Variants in EPS15 observed in about 807,000 individuals in gnomAD.
The protein encoded by EPS15 is epidermal growth factor receptor pathway substrate 15.
EPS15 carries 72 observed loss-of-function variants against 113.8 expected under a neutral mutation model. That is an observed-to-expected ratio of 0.63 (90% confidence interval 0.52 to 0.77). The LOEUF is 0.77. EPS15 is among the 30% of genes least tolerant of loss of function. The pLI is 0.00. For missense variants in EPS15, 1,048 were observed against 1,045.8 expected (o/e 1.00, Z -0.03); for synonymous variants, 344 against 363.4 (o/e 0.95, Z 0.61).
At chr1:51,384,658 A>G (rs1380265634) in intron 21 of EPS15, among the ~76,000 whole-genome samples, 1 of 152,120 alleles carries the variant, frequency 6.6e-6, no homozygotes, top group Admixed American at 6.5e-5. Context: ...TTAAAAAGGA[A>G]CAACAAAGTT....
chr1:51,358,711 T>C (rs1442051110), intron 24 of EPS15, among the ~76,000 whole-genome samples: 2 of 145,022 alleles, frequency 1.4e-5, no homozygotes, highest in South Asian at 2.3e-4. Context: ...TTTTTTTTGT[T>C]TTTTTTTTTT....
rs553862274 is a variant in EPS15 at position 51,415,166 on chromosome 1, AT to A, written c.1114-5471del. On this transcript the variant is annotated intron_variant, in intron 13 of 24. Coordinates refer to ENST00000371733, the MANE Select transcript of EPS15 (RefSeq NM_001981.3). ...TAATAAACTGAACTATTTTTCATAAATAATATTTTTAGTGAGCCACTTAAAC... is the reference window on the plus strand; with the variant it reads ...TAATAAACTGAACTATTTTTCATAAAAATATTTTTAGTGAGCCACTTAAAC... Among the ~76,000 whole-genome samples the A allele has an allele frequency of 8.5e-5, 13 of 152,302 alleles. No homozygotes were observed. The South Asian group carries it at 2.7e-3, about 32-fold the overall frequency.
chr1:51,390,669 C>T (rs1369430708), intron 21 of EPS15, among the ~76,000 whole-genome samples: 3 of 152,016 alleles, frequency 2.0e-5, no homozygotes, highest in Non-Finnish European at 4.4e-5. Flanking sequence ...TGAACAGACA[C>T]TTCTCCAAAG....
chr1:51,394,568 G>A, intron 20 of EPS15, 121 bp from the exon 21 acceptor site: 1 of 497,920 alleles, frequency 2.0e-6, no homozygotes, highest in Non-Finnish European at 3.6e-6. Flanking sequence ...ATAGACATTA[G>A]GAACAAATGT....
chr1:51,454,702 C>G (rs745998936), intron 8 of EPS15, among the ~76,000 whole-genome samples: 1 of 152,066 alleles, frequency 6.6e-6, no homozygotes, highest in African/African-American at 2.4e-5. Flanking sequence ...AACATGACAA[C>G]TAAATGCAAC....
intron 4 of EPS15, among the ~76,000 whole-genome samples, chr1:51,469,482 T>C (rs75586181): frequency 0.042 from 6,394 of 152,274 alleles, 202 homozygotes; most frequent in Middle Eastern, 0.11. Flanking sequence ...GCAAAGAAGC[T>C]GAAGCAACTG....
intron 12 of EPS15, chr1:51,423,714 G>A: frequency 1.0e-6 from 1 of 985,420 alleles, no homozygotes; most frequent in Non-Finnish European, 1.2e-6. Flanking sequence ...CTCAGATCAA[G>A]TGTGCATGCA....
chr1:51,357,982 G>A lies in EPS15; in HGVS notation c.2545-1136C>T, dbSNP rs914187772. 7.2e-5 allele frequency among the ~76,000 whole-genome samples: 11 copies of A among 152,046 alleles called. No homozygotes were observed. The South Asian group carries it at 1.0e-3, about 14-fold the overall frequency. ...TCGAACTCCTGACCTCAGGTGATCC[G>A]CCCATCTCGGCCTCCCAAGAACCTA... On this transcript the variant is annotated intron_variant, in intron 24 of 24. Transcript: ENST00000371733.
intron 1 of EPS15, among the ~76,000 whole-genome samples, chr1:51,486,212 G>GT (rs1644118642): frequency 6.6e-6 from 1 of 150,924 alleles, no homozygotes; most frequent in Non-Finnish European, 1.5e-5. Context: ...GAGGTCAGGA[G>GT]TTCGAGACCA....
intron 21 of EPS15, among the ~76,000 whole-genome samples, chr1:51,384,741 T>C (rs1489279185): frequency 1.3e-5 from 2 of 152,092 alleles, no homozygotes; most frequent in Admixed American, 1.3e-4. Flanking sequence ...ACTGCATAAA[T>C]ACAAACCATA....
At chr1:51,367,123 C>G (rs1295103613) in intron 21 of EPS15, among the ~76,000 whole-genome samples, 13 of 152,152 alleles carry the variant, frequency 8.5e-5, no homozygotes, top group Non-Finnish European at 1.9e-4. Flanking sequence ...CTGGGTGAAT[C>G]TGGAAACGGA....
Position 51,506,721 on chromosome 1 carries a change from C to T in EPS15, c.33+12478G>A, listed in dbSNP as rs549185487. On this transcript the variant is annotated intron_variant, in intron 1 of 24. Transcript: ENST00000371733. Reference sequence around the variant, plus strand: ...AAGAGAGTTAAGGTTTTGAGCTATTCTGAAGTGCCAGATGGTCCAGAATCC... The same window carrying T: ...AAGAGAGTTAAGGTTTTGAGCTATTTTGAAGTGCCAGATGGTCCAGAATCC... 1.4e-3 allele frequency among the ~76,000 whole-genome samples: 215 copies of T among 150,794 alleles called. 2 individuals carry two copies. Among genetic ancestry groups the T allele is most frequent in the Middle Eastern group, 3.4e-3 (1 of 294 alleles).
intron 17 of EPS15, 106 bp downstream of exon 17, chr1:51,403,313 A>G (rs768451827): frequency 9.6e-5 from 50 of 519,426 alleles, no homozygotes; most frequent in Middle Eastern, 2.8e-4. Context: ...TGTATCTATC[A>G]TCTGAATAAT....
intron 2 of EPS15, among the ~76,000 whole-genome samples, chr1:51,475,178 A>G (rs1479621323): frequency 6.6e-6 from 1 of 152,088 alleles, no homozygotes; most frequent in Non-Finnish European, 1.5e-5. Context: ...ATGATTTATA[A>G]TCCTTTGGGT....
At chr1:51,495,956 C>G (rs1470059488) in intron 1 of EPS15, among the ~76,000 whole-genome samples, 2 of 152,126 alleles carry the variant, frequency 1.3e-5, no homozygotes, top group African/African-American at 4.8e-5. Context: ...TTTTTTCAAT[C>G]AGTAATCAAA....
chr1:51,382,754 C>T (rs879597699), intron 21 of EPS15, among the ~76,000 whole-genome samples: 45 of 152,064 alleles, frequency 3.0e-4, no homozygotes, highest in Admixed American at 5.9e-4. Context: ...CAAAACACCT[C>T]CCAACAAAGA....
chr1:51,447,078 T>C lies in EPS15; in HGVS notation c.679A>G (p.Lys227Glu). 1 of 1,613,466 alleles carries C rather than the reference T, an allele frequency of 6.2e-7. No individual in the cohort carries two copies. The highest frequency in any genetic ancestry group is 8.5e-7 in the Non-Finnish European group (1 of 1,179,806). ...TWVVSPAEKAKYDEIFLKTDK... is the reference protein window; with the variant it reads ...TWVVSPAEKAEYDEIFLKTDK... ...GTTTTCAGGAAGATTTCATCATATT[T>C]AGCTTTTTCTGCAGGGGATACAACC... Residue 227 changes from lysine to glutamate, a missense_variant, in exon 10 of 25, where the codon AAA (lysine) becomes GAA (glutamate). Physicochemically the swap from Lys to Glu is moderately conservative, Grantham distance 56. Coordinates refer to ENST00000371733, the MANE Select transcript of EPS15 (RefSeq NM_001981.3).
Position 51,372,853 on chromosome 1 carries a change from G to A in EPS15, c.2120-6824C>T, listed in dbSNP as rs528690672. On this transcript the variant is annotated intron_variant, in intron 21 of 24. Transcript: ENST00000371733. ...ATCACAAAGAGGTCCATGGTTTGAGGAGGCTGAACTCCAAGCTTCTGGATA... is the reference window on the plus strand; with the variant it reads ...ATCACAAAGAGGTCCATGGTTTGAGAAGGCTGAACTCCAAGCTTCTGGATA... 1.0e-4 allele frequency: 68 copies of A among 659,908 alleles called. No individual in the cohort carries two copies. The Middle Eastern group carries it at 5.5e-3, about 54-fold the overall frequency. The allele number at this position is 659,908 out of a possible 1,614,324, so 40.9% of individuals were successfully genotyped here.
At chr1:51,436,085 A>G (rs1196190948) in intron 12 of EPS15, among the ~76,000 whole-genome samples, 2 of 152,228 alleles carry the variant, frequency 1.3e-5, no homozygotes, top group Admixed American at 6.5e-5. Flanking sequence ...GAACACTCAG[A>G]GTACAAAGAG....
Sources: gnomAD v4.1 joint callset for allele counts (sites outside exome capture counted in the v4.1 genomes callset) on GRCh38, gnomAD v4.1.1 for gene constraint, MANE v1.5 for transcripts, NCBI Gene and HGNC (gene_info 2026-07-23, HGNC 2026-07-21) for gene names.